Variants in FAM184A observed in about 807,000 individuals in gnomAD.
The protein encoded by FAM184A is protein FAM184A.
FAM184A carries 99 observed loss-of-function variants against 143.8 expected under a neutral mutation model. That is an observed-to-expected ratio of 0.69 (90% CI 0.58 to 0.81). The LOEUF (loss-of-function observed/expected upper bound fraction) is 0.81. Ranked by LOEUF, FAM184A falls within the 40% of genes least tolerant of loss-of-function variation. The pLI is 0.00. For missense variants in FAM184A, 1,217 were observed against 1,310.5 expected (o/e 0.93, Z 1.10); for synonymous variants, 427 against 446.4 (o/e 0.96, Z 0.55).
intron 1 of FAM184A, among the ~76,000 whole-genome samples, chr6:119,106,531 A>G (rs1788787714): frequency 6.6e-6 from 1 of 152,254 alleles, no homozygotes; most frequent in Non-Finnish European, 1.5e-5. Flanking sequence ...TTTGAAAAGT[A>G]AGCCAACTAC....
At chr6:119,048,786 G>T (rs1302307660) in intron 1 of FAM184A, among the ~76,000 whole-genome samples, 1 of 151,918 alleles carries the variant, frequency 6.6e-6, no homozygotes. Context: ...GGATAATGGG[G>T]GATGGTAGTG....
At chr6:119,137,348 G>A (rs1232014973) in intron 1 of FAM184A, among the ~76,000 whole-genome samples, 1 of 152,108 alleles carries the variant, frequency 6.6e-6, no homozygotes, top group Non-Finnish European at 1.5e-5. Flanking sequence ...ATAAGAGAGA[G>A]GAAGAGCTCT....
rs79733717 is a variant in FAM184A at position 119,057,666 on chromosome 6, C to G, written c.159+20475G>C. 5.6e-3 allele frequency among the ~76,000 whole-genome samples: 850 copies of G among 152,174 alleles called. 4 individuals are homozygous for G. The highest frequency in any genetic ancestry group is 9.5e-3 in the Non-Finnish European group (644 of 68,012). ...GCTGAAGCAGGAGGATCACTTAGAC[C>G]CAGGAAGTGGAGGCTGCAGTAAGCC... is the stretch of plus-strand genomic sequence containing the variant. On this transcript the variant is annotated intron_variant, in intron 1 of 17. Transcript: ENST00000338891.
Position 119,024,142 on chromosome 6 carries a change from T to C in FAM184A, c.831A>G (p.Leu277=). 6.2e-7 allele frequency: 1 copy of C among 1,614,196 alleles called. No individual in the cohort carries two copies. The highest frequency in any genetic ancestry group is 1.1e-5 in the South Asian group (1 of 91,082). The change falls in exon 2 of 18, where the codon CTA becomes CTG. Residue 277 remains leucine (L), a synonymous_variant. Coordinates refer to ENST00000338891, the MANE Select transcript of FAM184A (RefSeq NM_024581.6). ...CAGCTTCCTTTTCTTTGCTGGCCTG[T>C]AGGCTTTCTGCTGTAAAAAGCTGTG... is the stretch of plus-strand genomic sequence containing the variant. The part of the protein sequence containing the change: ...KRSQLFTAES[L]QASKEKEADL...
chr6:119,101,128 A>G (rs1376285702), intron 1 of FAM184A, among the ~76,000 whole-genome samples: 3 of 141,738 alleles, frequency 2.1e-5, no homozygotes, highest in Non-Finnish European at 3.0e-5. Context: ...GTTTAATGGC[A>G]TGATCTCGGC....
chr6:119,044,419 C>T (rs932045594), intron 1 of FAM184A, among the ~76,000 whole-genome samples: 76 of 151,962 alleles, frequency 5.0e-4, no homozygotes, highest in African/African-American at 1.7e-3. Flanking sequence ...TCTGTCTCTA[C>T]GAAAAATTTA....
intron 14 of FAM184A, among the ~76,000 whole-genome samples, chr6:118,969,733 G>T (rs1358562692): frequency 6.6e-6 from 1 of 150,742 alleles, no homozygotes; most frequent in East Asian, 2.0e-4. Context: ...GGTATACATG[G>T]GTTTGCTGCA....
chr6:119,091,093 C>T (rs1241793796), intron 1 of FAM184A, among the ~76,000 whole-genome samples: 1 of 152,196 alleles, frequency 6.6e-6, no homozygotes, highest in Non-Finnish European at 1.5e-5. Flanking sequence ...GTAGTCATAG[C>T]TACAGGTCCT....
intron 1 of FAM184A, among the ~76,000 whole-genome samples, chr6:119,137,003 T>C (rs1789689829): frequency 6.6e-6 from 1 of 152,274 alleles, no homozygotes; most frequent in African/African-American, 2.4e-5. Flanking sequence ...AATTTTGCTG[T>C]AATCTTCTTA....
At chr6:119,143,140 T>C (rs1314137113) in intron 1 of FAM184A, among the ~76,000 whole-genome samples, 3 of 152,200 alleles carry the variant, frequency 2.0e-5, no homozygotes, top group Non-Finnish European at 4.4e-5. Flanking sequence ...TGTTTTAAGG[T>C]ACCCTGTTTT....
chr6:118,988,904 G>A (rs1251334502), intron 9 of FAM184A, among the ~76,000 whole-genome samples: 1 of 148,412 alleles, frequency 6.7e-6, no homozygotes, highest in Non-Finnish European at 1.5e-5. Flanking sequence ...AATTTATATT[G>A]CTAATTTAAA....
intron 1 of FAM184A, among the ~76,000 whole-genome samples, chr6:119,050,515 T>C (rs181713414): frequency 0.026 from 3,574 of 135,244 alleles, 62 homozygotes; most frequent in Middle Eastern, 0.042. Context: ...AAAAAAAAAA[T>C]GAGATCATAG....
At chr6:119,121,206 A>C (rs143684680) in intron 1 of FAM184A, among the ~76,000 whole-genome samples, 1 of 152,308 alleles carries the variant, frequency 6.6e-6, no homozygotes, top group East Asian at 1.9e-4. Context: ...ATCATGGCTC[A>C]CTTTAGCCTC....
intron 1 of FAM184A, among the ~76,000 whole-genome samples, chr6:119,133,644 C>G (rs957385236): frequency 6.6e-6 from 1 of 152,008 alleles, no homozygotes; most frequent in Non-Finnish European, 1.5e-5. Flanking sequence ...GGCAAAGTGA[C>G]TTTGTTCAGC....
At chr6:119,016,635 T>G (rs1321044430) in intron 5 of FAM184A, 112 bp downstream of exon 5, 1 of 836,884 alleles carries the variant, frequency 1.2e-6, no homozygotes, top group Non-Finnish European at 2.0e-6. Context: ...ACCGCGGGGG[T>G]CCGTGGGTTT....
intron 1 of FAM184A, among the ~76,000 whole-genome samples, chr6:119,127,693 G>C (rs1199581626): frequency 6.6e-6 from 1 of 152,134 alleles, no homozygotes; most frequent in Non-Finnish European, 1.5e-5. Flanking sequence ...AAGTCAGCTG[G>C]GGAGCTTTTT....
At chr6:119,065,293 C>A (rs1473126080) in intron 1 of FAM184A, among the ~76,000 whole-genome samples, 1 of 152,126 alleles carries the variant, frequency 6.6e-6, no homozygotes, top group African/African-American at 2.4e-5. Context: ...AGTCTCCTAA[C>A]AGCCACATGA....
chr6:118,979,291 G>T, intron 11 of FAM184A, 74 bp downstream of exon 11: 1 of 1,400,928 alleles, frequency 7.1e-7, no homozygotes, highest in South Asian at 1.4e-5. Context: ...AAAACTTGGT[G>T]ATTTTATGTT....
At chr6:119,144,686 A>C (rs1431025922) in intron 1 of FAM184A, among the ~76,000 whole-genome samples, 1 of 152,232 alleles carries the variant, frequency 6.6e-6, no homozygotes, top group Non-Finnish European at 1.5e-5. Flanking sequence ...AAAAGTCATG[A>C]GAGTCTTTTC....
Sources: allele counts gnomAD v4.1 joint callset (sites outside exome capture counted in the v4.1 genomes callset), GRCh38; gene constraint gnomAD v4.1.1; transcripts MANE v1.5; gene names NCBI Gene and HGNC (gene_info 2026-07-23, HGNC 2026-07-21).